The following AGPAT1 variants were observed in gnomAD, a reference collection of about 807,000 sequenced individuals.
AGPAT1 encodes the protein 1-acyl-sn-glycerol-3-phosphate acyltransferase alpha.
Under a neutral mutation model 31.2 loss-of-function variants are expected in AGPAT1, and 6 were observed. The observed-to-expected ratio is 0.19, with a 90% CI of 0.11 to 0.38. AGPAT1 has a LOEUF of 0.38. Ranked by LOEUF, AGPAT1 falls within the 10% of genes least tolerant of loss-of-function variation. The pLI is 1.00. For synonymous variants in AGPAT1, 139 were observed against 154.0 expected (o/e 0.90, Z 0.72); for missense variants, 187 against 377.8 (o/e 0.49, Z 4.19).
At position 32,169,381 on chromosome 6, in the gene AGPAT1, A is replaced by C; in HGVS notation, c.747T>G (p.Ala249=). 1.2e-6 allele frequency: 2 copies of C among 1,612,874 alleles called. No homozygotes were observed. The highest frequency in any genetic ancestry group is 2.2e-5 in the South Asian group (2 of 91,082). Residue 249 remains alanine (A), a synonymous_variant, in exon 7 of 7, where the codon GCT becomes GCG. Coordinates refer to ENST00000375107, the MANE Select transcript of AGPAT1 (RefSeq NM_006411.4). This position sits in a 1 kb window ranked among gnomAD's most constrained non-coding sequence, Gnocchi z 5.9. The stretch of plus-strand genomic sequence containing the variant: ...TGGAGTGCCGGACTCTGTCAGCCAG[A>C]GCTGGGACGTCATCTGGTGTCAGCC... ...TEGLTPDDVP[A]LADRVRHSML... is the part of the protein sequence containing the mutation.
Position 32,170,731 on chromosome 6 carries a change from C to A in AGPAT1, c.335-131G>T. On this transcript the variant is annotated intron_variant, in intron 3 of 6. Transcript: ENST00000375107. The surrounding 1 kb of genome is among the most constrained non-coding windows in gnomAD (Gnocchi z 7.7). The stretch of plus-strand genomic sequence containing the variant: ...GGAGGAGACTAGGCAGGGAGGGGGG[C>A]CCCAAGTGAAGGAAAGGGTGACCAA... 7.4e-7 allele frequency: 1 copy of A among 1,357,972 alleles called. No individual in the cohort carries two copies. The highest frequency in any genetic ancestry group is 1.0e-6 in the Non-Finnish European group (1 of 970,616). The allele number at this position is 1,357,972 out of a possible 1,614,324, so 84.1% of individuals were successfully genotyped here. A position where few individuals can be genotyped will look rare whatever the true frequency, so the allele number is the denominator to read the frequency against.
upstream of AGPAT1, chr6:32,176,807 T>G: frequency 2.6e-6 from 1 of 388,302 alleles, no homozygotes; most frequent in Non-Finnish European, 4.5e-6. Context: ...TCTCACAACA[T>G]ACAATATGGG....
rs1785178301 is a variant in AGPAT1, at chr6:32,172,355, T to G, written c.-9-850A>C. On this transcript the variant is annotated intron_variant, in intron 1 of 6. Coordinates refer to ENST00000375107, the MANE Select transcript of AGPAT1 (RefSeq NM_006411.4). This position sits in a 1 kb window ranked among gnomAD's most constrained non-coding sequence, Gnocchi z 4.3. ...TTATAATCTTTTGGATGTTATCAGATTCAAGAAAATATATTACTAAAATTA... is the reference window on the plus strand; with the variant it reads ...TTATAATCTTTTGGATGTTATCAGAGTCAAGAAAATATATTACTAAAATTA... Among the ~76,000 whole-genome samples the G allele has an allele frequency of 6.6e-6, 1 of 151,968 alleles. No homozygotes were observed. The highest frequency in any genetic ancestry group is 2.4e-5 in the African/African-American group (1 of 41,378).
At position 32,175,278 on chromosome 6, in the gene AGPAT1, C is replaced by G. The variant is rs1454174596; in HGVS notation, c.-10+536G>C. Among the ~76,000 whole-genome samples, 1 of 152,128 alleles carries G rather than the reference C, an allele frequency of 6.6e-6. No homozygotes were observed. Among genetic ancestry groups the G allele is most frequent in the Non-Finnish European group, 1.5e-5 (1 of 68,030 alleles). ...ACACAGCCTATGGATAGCATTGGGA[C>G]AACCTAGTTGCACACAAGCCATTAA... On this transcript the variant is annotated intron_variant, in intron 1 of 6. Coordinates refer to ENST00000375107, the MANE Select transcript of AGPAT1 (RefSeq NM_006411.4). This position sits in a 1 kb window ranked among gnomAD's most constrained non-coding sequence, Gnocchi z 4.5.
rs927462109 is a variant in AGPAT1, at chr6:32,168,321, C to T, written c.*955G>A. ...CTCCTTTTGCTCCCAGCCTACCTCC[C>T]CAGTTGTGGGAACAGGTCTGGAGTG... On this transcript the variant is annotated 3_prime_UTR_variant, in exon 7 of 7. Transcript: ENST00000375107. The surrounding 1 kb of genome is among the most constrained non-coding windows in gnomAD (Gnocchi z 4.5). 24 of 257,916 alleles carry T rather than the reference C, an allele frequency of 9.3e-5. No individual in the cohort carries two copies. The highest frequency in any genetic ancestry group is 5.1e-4 in the African/African-American group (23 of 45,496). The allele number at this position is 257,916 out of a possible 1,614,324, so 16.0% of individuals were successfully genotyped here.
chr6:32,172,740 A>C lies in AGPAT1; in HGVS notation c.-9-1235T>G, dbSNP rs1157915059. 6.6e-6 allele frequency among the ~76,000 whole-genome samples: 1 copy of C among 152,208 alleles called. No homozygotes were observed. The highest frequency in any genetic ancestry group is 1.5e-5 in the Non-Finnish European group (1 of 68,042). Reference sequence around the variant, plus strand: ...ACAGAACACTCACAGCCATATACCCAAGGGCCAAATGGCAAGATTAAAAGT... The same window carrying C: ...ACAGAACACTCACAGCCATATACCCCAGGGCCAAATGGCAAGATTAAAAGT... On this transcript the variant is annotated intron_variant, in intron 1 of 6. Coordinates refer to ENST00000375107, the MANE Select transcript of AGPAT1 (RefSeq NM_006411.4). The surrounding 1 kb of genome is among the most constrained non-coding windows in gnomAD (Gnocchi z 4.3).
rs1785189050 is a variant in AGPAT1 at position 32,172,475 on chromosome 6, ATTAAG to A, written c.-9-975_-9-971del. The stretch of plus-strand genomic sequence containing the variant: ...TCTGTAGAACAGTACTGGTCTATAC[ATTAAG>A]TTAAACTCTTAAAATGATGCATATG... On this transcript the variant is annotated intron_variant, in intron 1 of 6. Transcript: ENST00000375107. The surrounding 1 kb of genome is among the most constrained non-coding windows in gnomAD (Gnocchi z 4.3). 6.6e-6 allele frequency among the ~76,000 whole-genome samples: 1 copy of A among 152,218 alleles called. No individual in the cohort carries two copies. Among genetic ancestry groups the A allele is most frequent in the African/African-American group, 2.4e-5 (1 of 41,450 alleles).
Position 32,174,302 on chromosome 6 carries a change from C to T in AGPAT1, c.-10+1512G>A, listed in dbSNP as rs149565496. ...TGATCACAAATTAGATAGTTATCCT[C>T]TTGAGTAGAAGTGACTACTAAAAGA... On this transcript the variant is annotated intron_variant, in intron 1 of 6. Transcript: ENST00000375107. The surrounding 1 kb of genome is among the most constrained non-coding windows in gnomAD (Gnocchi z 4.5). Among the ~76,000 whole-genome samples, 1 of 152,292 alleles carries T rather than the reference C, an allele frequency of 6.6e-6. No homozygotes were observed. The highest frequency in any genetic ancestry group is 1.9e-4 in the East Asian group (1 of 5,190).
chr6:32,176,053 T>C lies in AGPAT1; in HGVS notation c.-249A>G. 1.1e-6 allele frequency: 1 copy of C among 949,236 alleles called. No individual in the cohort carries two copies. The highest frequency in any genetic ancestry group is 1.3e-6 in the Non-Finnish European group (1 of 798,152). 58.8% of individuals were successfully genotyped at this position (949,236 alleles called of 1,614,324 possible). A position where few individuals can be genotyped will look rare whatever the true frequency, so the allele number is the denominator to read the frequency against. On this transcript the variant is annotated 5_prime_UTR_variant, in exon 1 of 7. Transcript: ENST00000375107. ...ACCCTCCCTCCCTCCCTTTCTGCTG[T>C]CTCTCTGAGGGCTGGGGCTGCTGCC... is the stretch of plus-strand genomic sequence containing the variant.
chr6:32,169,359 A>C lies in AGPAT1; in HGVS notation c.769T>G (p.Ser257Ala), dbSNP rs1784845361. The C allele has an allele frequency of 6.2e-7, 1 of 1,612,826 alleles. No homozygotes were observed. Among genetic ancestry groups the C allele is most frequent in the Non-Finnish European group, 8.5e-7 (1 of 1,179,978 alleles). ...VPALADRVRH[S>A]MLTVFREIST... Reference sequence around the variant, plus strand: ...ATTTCCCGGAAAACAGTGAGCATGGAGTGCCGGACTCTGTCAGCCAGAGCT... The same window carrying C: ...ATTTCCCGGAAAACAGTGAGCATGGCGTGCCGGACTCTGTCAGCCAGAGCT... Residue 257 changes from serine (S) to alanine (A), a missense_variant, in exon 7 of 7, where the codon TCC becomes GCC. By Grantham distance (99) the Ser-to-Ala change is moderately conservative. Coordinates refer to ENST00000375107, the MANE Select transcript of AGPAT1 (RefSeq NM_006411.4). The surrounding 1 kb of genome is among the most constrained non-coding windows in gnomAD (Gnocchi z 5.9).
chr6:32,175,818 GA>G lies in AGPAT1; in HGVS notation c.-15del, dbSNP rs1236857859. ...CCATCCCTTTCCCGCCCACACCTCA[GA>G]GGGGTAGGGGGCCTGGGGGGCTGGC... is the stretch of plus-strand genomic sequence containing the variant. On this transcript the variant is annotated 5_prime_UTR_variant, in exon 1 of 7. Transcript: ENST00000375107. This position sits in a 1 kb window ranked among gnomAD's most constrained non-coding sequence, Gnocchi z 4.5. 1 of 985,526 alleles carries G rather than the reference GA, an allele frequency of 1.0e-6. No individual in the cohort carries two copies. The highest frequency in any genetic ancestry group is 1.7e-5 in the African/African-American group (1 of 57,166). 61.0% of individuals were successfully genotyped at this position (985,526 alleles called of 1,614,324 possible).
chr6:32,171,034 C>T lies in AGPAT1; in HGVS notation c.237G>A (p.Leu79=). Residue 79 remains leucine, a synonymous_variant, in exon 3 of 7, where the codon CTG becomes CTA. Transcript: ENST00000375107. The surrounding 1 kb of genome is among the most constrained non-coding windows in gnomAD (Gnocchi z 6.9). ...LRLMLLHIKY[L]YGIRVEVRGA... ...CTCGCACCTCCACTCGGATCCCGTA[C>T]AGGTATTTGATGTGGAGCAGCATTA... is the stretch of plus-strand genomic sequence containing the variant. The T allele has an allele frequency of 6.2e-7, 1 of 1,612,810 alleles. No homozygotes were observed. The highest frequency in any genetic ancestry group is 8.5e-7 in the Non-Finnish European group (1 of 1,179,970).
upstream of AGPAT1, chr6:32,177,399 C>T (rs769086595): frequency 1.5e-4 from 45 of 290,330 alleles, no homozygotes; most frequent in Admixed American, 5.2e-4. Flanking sequence ...GGGCTTTGTC[C>T]CTTTTGCACC....
At chr6:32,177,116 T>G (rs963112797), upstream of AGPAT1, 1 of 398,530 alleles carries the variant, frequency 2.5e-6, no homozygotes, top group African/African-American at 2.1e-5. Flanking sequence ...ACTTCTCATC[T>G]TTCCTTACTC....
Position 32,169,135 on chromosome 6 carries a change from G to A in AGPAT1, c.*141C>T, listed in dbSNP as rs116188456. On this transcript the variant is annotated 3_prime_UTR_variant, in exon 7 of 7. Coordinates refer to ENST00000375107, the MANE Select transcript of AGPAT1 (RefSeq NM_006411.4). The surrounding 1 kb of genome is among the most constrained non-coding windows in gnomAD (Gnocchi z 5.9). ...TGGCGCTGTATCCACATTCACTTCA[G>A]AAGTTGAAGATTCCAAAGAGGAGAA... 58 of 924,948 alleles carry A rather than the reference G, an allele frequency of 6.3e-5. No homozygotes were observed. In the African/African-American group the frequency reaches 8.7e-4, roughly 14 times the overall value. 57.3% of individuals were successfully genotyped at this position (924,948 alleles called of 1,614,324 possible).
At position 32,170,730 on chromosome 6, in the gene AGPAT1, G is replaced by T; in HGVS notation, c.335-130C>A. 7.3e-7 allele frequency: 1 copy of T among 1,361,892 alleles called. No homozygotes were observed. The highest frequency in any genetic ancestry group is 1.2e-5 in the South Asian group (1 of 83,726). 84.4% of individuals were successfully genotyped at this position (1,361,892 alleles called of 1,614,324 possible). On this transcript the variant is annotated intron_variant, in intron 3 of 6. Transcript: ENST00000375107. The surrounding 1 kb of genome is among the most constrained non-coding windows in gnomAD (Gnocchi z 7.7). ...AGGAGGAGACTAGGCAGGGAGGGGG[G>T]CCCCAAGTGAAGGAAAGGGTGACCA...
At position 32,171,845 on chromosome 6, in the gene AGPAT1, C is replaced by G. The variant is rs1785137081; in HGVS notation, c.-9-340G>C. 4.4e-6 allele frequency: 2 copies of G among 450,422 alleles called. No homozygotes were observed. Among genetic ancestry groups the G allele is most frequent in the African/African-American group, 2.0e-5 (1 of 51,082 alleles). 27.9% of individuals were successfully genotyped at this position (450,422 alleles called of 1,614,324 possible). On this transcript the variant is annotated intron_variant, in intron 1 of 6. Coordinates refer to ENST00000375107, the MANE Select transcript of AGPAT1 (RefSeq NM_006411.4). This position sits in a 1 kb window ranked among gnomAD's most constrained non-coding sequence, Gnocchi z 6.9. The stretch of plus-strand genomic sequence containing the variant: ...TAGCTGGTAAGGGTCTTATAATGGT[C>G]TATACTTGTGCTGTCCGAGAAAGTA...
At chr6:32,177,179 C>A (rs1355511844), upstream of AGPAT1, 1 of 398,458 alleles carries the variant, frequency 2.5e-6, no homozygotes, top group Non-Finnish European at 4.4e-6. Context: ...ACACCTTTAC[C>A]CTGCATTAGT....
Position 32,169,507 on chromosome 6 carries a change from G to T in AGPAT1, c.680-59C>A, listed in dbSNP as rs1784862137. ...ACCCAGGTCTTTGCCCACAGGTGGG[G>T]CCCAGCTTCCGAGTGATACTCTTCC... On this transcript the variant is annotated intron_variant, in intron 6 of 6. Transcript: ENST00000375107. This position sits in a 1 kb window ranked among gnomAD's most constrained non-coding sequence, Gnocchi z 5.9. The T allele has an allele frequency of 3.2e-6, 5 of 1,583,276 alleles. No homozygotes were observed. Among genetic ancestry groups the T allele is most frequent in the Non-Finnish European group, 3.4e-6 (4 of 1,159,744 alleles).
Sources: allele counts gnomAD v4.1 joint callset (sites outside exome capture counted in the v4.1 genomes callset), GRCh38; gene constraint gnomAD v4.1.1; non-coding constraint Gnocchi (gnomAD v3.1); transcripts MANE v1.5; gene names NCBI Gene and HGNC (gene_info 2026-07-23, HGNC 2026-07-21).